MYRIP: variants seen among roughly 807,000 people sequenced by gnomAD.
The protein encoded by MYRIP is rab effector MyRIP.
In MYRIP, 49 loss-of-function variants were observed where a neutral mutation model predicts 98.0. That is an observed-to-expected ratio of 0.50 (90% CI 0.40 to 0.63). The LOEUF (loss-of-function observed/expected upper bound fraction) is 0.63, where lower values mean the gene tolerates loss of function less well. Among genes scored for constraint, MYRIP ranks in the 30% least tolerant of loss-of-function variants. The pLI is 0.00. For synonymous variants in MYRIP, 404 were observed against 409.5 expected (o/e 0.99, Z 0.16); for missense variants, 1,004 against 1,058.2 (o/e 0.95, Z 0.71).
chr3:40,241,161 C>T (rs776216923), intron 12 of MYRIP, among the ~76,000 whole-genome samples: 1 of 152,176 alleles, frequency 6.6e-6, no homozygotes, highest in Non-Finnish European at 1.5e-5. Flanking sequence ...TTGTAAGTAA[C>T]CCATAATCCC....
At chr3:40,023,867 A>C (rs1300829414) in intron 2 of MYRIP, among the ~76,000 whole-genome samples, 1 of 152,200 alleles carries the variant, frequency 6.6e-6, no homozygotes, top group African/African-American at 2.4e-5. Context: ...TCAAAATGAT[A>C]ATATGTAGTG....
intron 14 of MYRIP, 44 bp downstream of exon 14, chr3:40,250,370 T>G (rs996417706): frequency 6.2e-7 from 1 of 1,613,078 alleles, no homozygotes; most frequent in Non-Finnish European, 8.5e-7. Flanking sequence ...TTACATGGCT[T>G]GGAAAATTTA....
At chr3:40,053,451 T>G (rs1317147775) in intron 3 of MYRIP, among the ~76,000 whole-genome samples, 1 of 152,308 alleles carries the variant, frequency 6.6e-6, no homozygotes, top group Non-Finnish European at 1.5e-5. Flanking sequence ...TATTTTCCAT[T>G]CACTAGTTCT....
intron 1 of MYRIP, among the ~76,000 whole-genome samples, chr3:39,829,427 A>G (rs1400843648): frequency 2.0e-5 from 3 of 152,152 alleles, no homozygotes; most frequent in Non-Finnish European, 4.4e-5. Flanking sequence ...GTTGGGTGGT[A>G]TGCATTCACT....
In MYRIP at chr3:40,208,405, T is replaced by G. The variant is rs140792445; in HGVS notation, c.1666-1449T>G. 4.6e-3 allele frequency among the ~76,000 whole-genome samples: 702 copies of G among 152,298 alleles called. 6 individuals carry two copies. The highest frequency in any genetic ancestry group is 0.017 in the African/African-American group (688 of 41,572). On this transcript the variant is annotated intron_variant, in intron 10 of 16. Transcript: ENST00000302541. Reference sequence around the variant, plus strand: ...CCAGTGACCCCGATGGTATGCCATATTATGTACATATGAACACTTCAACAC... The same window carrying G: ...CCAGTGACCCCGATGGTATGCCATAGTATGTACATATGAACACTTCAACAC...
At chr3:39,864,599 T>A (rs540627345) in intron 1 of MYRIP, among the ~76,000 whole-genome samples, 2 of 152,170 alleles carry the variant, frequency 1.3e-5, no homozygotes, top group Admixed American at 6.5e-5. Flanking sequence ...ACCAGGGAAG[T>A]GAAAGATCTC....
chr3:40,024,187 C>G (rs568100749), intron 2 of MYRIP, among the ~76,000 whole-genome samples: 26 of 152,286 alleles, frequency 1.7e-4, no homozygotes, highest in Admixed American at 3.9e-4. Flanking sequence ...CTCCACTTTT[C>G]TTGGGCTACT....
In MYRIP at chr3:40,239,242, A is replaced by C. The variant is rs529108273; in HGVS notation, c.2100+5189A>C. 7.3e-5 allele frequency among the ~76,000 whole-genome samples: 11 copies of C among 151,438 alleles called. No individual in the cohort carries two copies. The South Asian group carries it at 1.9e-3, about 26-fold the overall frequency. ...TCCCTACAAAGGACATGAACTCATC[A>C]TTTTTTATGGCTGCATAGTATTCCA... is the stretch of plus-strand genomic sequence containing the variant. On this transcript the variant is annotated intron_variant, in intron 12 of 16. Coordinates refer to ENST00000302541, the MANE Select transcript of MYRIP (RefSeq NM_015460.4).
rs145119750 is a variant in MYRIP, at chr3:40,166,916, C to T, written c.621C>T (p.Ser207=). The change falls in exon 6 of 17, where the codon TCC becomes TCT. Residue 207 remains serine, a synonymous_variant. Coordinates refer to ENST00000302541, the MANE Select transcript of MYRIP (RefSeq NM_015460.4). ...AAGAGGCCATTGAGGAAGCAATTTCCAAAGCAGAGGCATATGGGGACAGCC... is the reference window on the plus strand; with the variant it reads ...AAGAGGCCATTGAGGAAGCAATTTCTAAAGCAGAGGCATATGGGGACAGCC... The part of the protein sequence containing the change: ...VAEEAIEEAI[S]KAEAYGDSLD... 2.5e-6 allele frequency: 4 copies of T among 1,613,906 alleles called. No homozygotes were observed. Among genetic ancestry groups the T allele is most frequent in the Non-Finnish European group, 3.4e-6 (4 of 1,179,898 alleles).
chr3:39,878,479 G>A (rs1421673700), intron 1 of MYRIP, among the ~76,000 whole-genome samples: 1 of 152,014 alleles, frequency 6.6e-6, no homozygotes, highest in Non-Finnish European at 1.5e-5. Flanking sequence ...TTCCTATTCG[G>A]CCATCTTAGG....
In MYRIP at chr3:40,032,769, A is replaced by G. The variant is rs571599893; in HGVS notation, c.111-11281A>G. Among the ~76,000 whole-genome samples, 37 of 152,284 alleles carry G rather than the reference A, an allele frequency of 2.4e-4. 1 individual carries two copies. The South Asian group carries it at 7.2e-3, about 30-fold the overall frequency. ...CAAACCCGGGCAGAGACACAACCAA[A>G]AAAGAATTTTAGACCAATATCCTTG... On this transcript the variant is annotated intron_variant, in intron 2 of 16. Transcript: ENST00000302541.
intron 2 of MYRIP, among the ~76,000 whole-genome samples, chr3:39,993,494 A>G (rs1005107666): frequency 6.6e-6 from 1 of 152,178 alleles, no homozygotes; most frequent in Non-Finnish European, 1.5e-5. Context: ...CTGAGTATGT[A>G]TGGAGGAAAA....
chr3:40,043,026 G>A (rs2125831353), intron 2 of MYRIP, among the ~76,000 whole-genome samples: 1 of 152,316 alleles, frequency 6.6e-6, no homozygotes, highest in South Asian at 2.1e-4. Context: ...CATCATGATA[G>A]AGTATTGTAT....
chr3:39,951,366 G>A (rs1945010178), intron 2 of MYRIP, among the ~76,000 whole-genome samples: 1 of 152,026 alleles, frequency 6.6e-6, no homozygotes, highest in Non-Finnish European at 1.5e-5. Flanking sequence ...GTGGAATTCA[G>A]TTGGGAGTAT....
intron 1 of MYRIP, among the ~76,000 whole-genome samples, chr3:39,855,464 A>G (rs1942257042): frequency 6.6e-6 from 1 of 152,000 alleles, no homozygotes; most frequent in African/African-American, 2.4e-5. Flanking sequence ...GGGGCAGAGG[A>G]AGGAGAGTCT....
chr3:40,033,915 C>T (rs1427991897), intron 2 of MYRIP, among the ~76,000 whole-genome samples: 2 of 151,992 alleles, frequency 1.3e-5, no homozygotes, highest in African/African-American at 4.8e-5. Flanking sequence ...AGAAATAATG[C>T]CACATATCTA....
At chr3:39,879,898 C>T (rs1044418425) in intron 1 of MYRIP, among the ~76,000 whole-genome samples, 8 of 152,118 alleles carry the variant, frequency 5.3e-5, no homozygotes, top group African/African-American at 1.9e-4. Flanking sequence ...TTCCCACTAC[C>T]ACCTCAATTT....
intron 3 of MYRIP, among the ~76,000 whole-genome samples, chr3:40,138,102 A>G (rs138395581): frequency 6.6e-6 from 1 of 152,356 alleles, no homozygotes; most frequent in Non-Finnish European, 1.5e-5. Flanking sequence ...AATCTCCAAG[A>G]ACATATGTGT....
intron 3 of MYRIP, among the ~76,000 whole-genome samples, chr3:40,117,034 C>T (rs1949295890): frequency 6.6e-6 from 1 of 152,170 alleles, no homozygotes; most frequent in African/African-American, 2.4e-5. Flanking sequence ...TGAGTGGCTG[C>T]ACCCCCGGCT....
Sources: allele counts gnomAD v4.1 joint callset (sites outside exome capture counted in the v4.1 genomes callset), GRCh38; gene constraint gnomAD v4.1.1; transcripts MANE v1.5; gene names NCBI Gene and HGNC (gene_info 2026-07-23, HGNC 2026-07-21).